SFSWAP: variants seen among roughly 807,000 people sequenced by gnomAD.
SFSWAP encodes the protein splicing factor, suppressor of white-apricot homolog.
A neutral mutation model predicts 100.7 loss-of-function variants in SFSWAP; 17 were observed. That is an observed-to-expected ratio of 0.17 (90% CI 0.12 to 0.25). The LOEUF (loss-of-function observed/expected upper bound fraction) is 0.25, where lower values mean the gene tolerates loss of function less well. Ranked by LOEUF, SFSWAP falls within the 10% of genes least tolerant of loss-of-function variation. The probability of loss-of-function intolerance (pLI) is 1.00; values close to 1 mark genes in which losing one functional copy is unlikely to be tolerated. For synonymous variants in SFSWAP, 504 were observed against 510.1 expected (o/e 0.99, Z 0.16); for missense variants, 1,005 against 1,262.6 (o/e 0.80, Z 3.09).
At chr12:131,744,581 A>G (rs1459944726) in intron 7 of SFSWAP, among the ~76,000 whole-genome samples, 1 of 152,210 alleles carries the variant, frequency 6.6e-6, no homozygotes, top group African/African-American at 2.4e-5. Context: ...ATCTCTGGGA[A>G]GTTCCAAACT....
intron 14 of SFSWAP, among the ~76,000 whole-genome samples, chr12:131,779,236 CGTGTGTGAAGAGGGCGGCGCGGGTGAGT>C (rs1566051534): frequency 4.8e-4 from 64 of 133,562 alleles, no homozygotes; most frequent in South Asian, 5.2e-4. Context: ...CGCGGGTGAG[CGTGTGTGAAGAGGGCGGCGCGGGTGAGT>C]GTGTGTGAAG....
At chr12:131,775,199 G>C (rs1454164863) in intron 13 of SFSWAP, among the ~76,000 whole-genome samples, 2 of 152,176 alleles carry the variant, frequency 1.3e-5, no homozygotes, top group Non-Finnish European at 2.9e-5. Flanking sequence ...TTCTTCACCA[G>C]AAAAAGACAG....
intron 7 of SFSWAP, among the ~76,000 whole-genome samples, chr12:131,751,843 C>A (rs1289744009): frequency 6.6e-6 from 1 of 152,200 alleles, no homozygotes; most frequent in East Asian, 1.9e-4. Flanking sequence ...CTGCTCCCGG[C>A]CTTTTCTCAG....
intron 16 of SFSWAP, among the ~76,000 whole-genome samples, chr12:131,798,098 T>A (rs920635162): frequency 9.9e-5 from 15 of 152,244 alleles, no homozygotes; most frequent in African/African-American, 3.6e-4. Context: ...CCCAGCACTT[T>A]GGGAGGCCAG....
intron 7 of SFSWAP, among the ~76,000 whole-genome samples, chr12:131,742,664 G>T (rs58697433): frequency 0.013 from 2,042 of 151,722 alleles, 45 homozygotes; most frequent in African/African-American, 0.045. Flanking sequence ...CTAGGTCGTC[G>T]GGAGGTTACA....
intron 13 of SFSWAP, among the ~76,000 whole-genome samples, chr12:131,767,630 A>G (rs537870880): frequency 2.6e-4 from 39 of 152,364 alleles, no homozygotes; most frequent in African/African-American, 8.4e-4. Context: ...GACAATAGCT[A>G]AAAAGTTGTG....
intron 7 of SFSWAP, among the ~76,000 whole-genome samples, chr12:131,737,439 G>A (rs1880141148): frequency 6.6e-6 from 1 of 152,218 alleles, no homozygotes; most frequent in Non-Finnish European, 1.5e-5. Flanking sequence ...CTCAAAACAT[G>A]CAGATTGACG....
At chr12:131,792,051 G>C (rs1370280976) in intron 15 of SFSWAP, among the ~76,000 whole-genome samples, 1 of 150,412 alleles carries the variant, frequency 6.6e-6, no homozygotes, top group African/African-American at 2.5e-5. Context: ...GATCAGTACT[G>C]TGTGTGTGCA....
At chr12:131,760,407 G>A (rs1290136407) in intron 11 of SFSWAP, among the ~76,000 whole-genome samples, 2 of 152,076 alleles carry the variant, frequency 1.3e-5, no homozygotes, top group African/African-American at 4.8e-5. Context: ...AAAATCGATG[G>A]CTAGTAAATA....
intron 7 of SFSWAP, among the ~76,000 whole-genome samples, chr12:131,736,419 A>T (rs1392556181): frequency 6.6e-6 from 1 of 152,232 alleles, no homozygotes; most frequent in Non-Finnish European, 1.5e-5. Flanking sequence ...AGGGGAAAAA[A>T]AAAGCCTGTA....
At chr12:131,744,614 T>C (rs2136212736) in intron 7 of SFSWAP, among the ~76,000 whole-genome samples, 1 of 152,340 alleles carries the variant, frequency 6.6e-6, no homozygotes. Context: ...CCTGTCTTCT[T>C]TTGAGCCCTC....
chr12:131,761,616 A>G (rs1442755861), intron 11 of SFSWAP, among the ~76,000 whole-genome samples: 3 of 152,174 alleles, frequency 2.0e-5, no homozygotes, highest in African/African-American at 7.2e-5. Context: ...TTGGGAAGGA[A>G]CTGGGTTTAT....
chr12:131,771,661 T>C (rs991526407), intron 13 of SFSWAP, among the ~76,000 whole-genome samples: 40 of 147,052 alleles, frequency 2.7e-4, no homozygotes, highest in Non-Finnish European at 5.7e-4. Flanking sequence ...TTTTTTTTTT[T>C]TTTTTTTTTT....
chr12:131,711,548 C>A lies in SFSWAP; in HGVS notation c.218+101C>A. ...AAGGACTGCAGAGAGTTTTCTGGAG[C>A]CAGCGGGGATCTGGGGGACACCCCC... On this transcript the variant is annotated intron_variant, in intron 1 of 17. Transcript: ENST00000261674. This position sits in a 1 kb window ranked among gnomAD's most constrained non-coding sequence, Gnocchi z 4.9. The A allele has an allele frequency of 1.0e-6, 1 of 998,378 alleles. No homozygotes were observed. Among genetic ancestry groups the A allele is most frequent in the Non-Finnish European group, 1.5e-6 (1 of 665,412 alleles). The allele number at this position is 998,378 out of a possible 1,614,324, so 61.8% of individuals were successfully genotyped here.
intron 7 of SFSWAP, among the ~76,000 whole-genome samples, chr12:131,743,905 G>A (rs544704982): frequency 4.6e-5 from 7 of 152,346 alleles, no homozygotes; most frequent in African/African-American, 1.7e-4. Context: ...GGCACTTGCA[G>A]GCTCAACACC....
intron 7 of SFSWAP, 127 bp downstream of exon 7, chr12:131,728,555 C>A: frequency 9.7e-7 from 1 of 1,034,946 alleles, no homozygotes; most frequent in African/African-American, 1.6e-5. Context: ...GGCCCAGAGC[C>A]TGCACATGGT....
At chr12:131,799,350 G>A in intron 17 of SFSWAP, 73 bp from the exon 18 acceptor site, 2 of 1,487,634 alleles carry the variant, frequency 1.3e-6, no homozygotes, top group Middle Eastern at 1.7e-4. Context: ...CCAACTCGTT[G>A]ATGAATTTCT....
intron 7 of SFSWAP, among the ~76,000 whole-genome samples, chr12:131,748,329 T>C (rs992827560): frequency 2.0e-5 from 3 of 152,086 alleles, no homozygotes; most frequent in Non-Finnish European, 4.4e-5. Context: ...TAATATTTTT[T>C]TGTATTTTTT....
intron 7 of SFSWAP, among the ~76,000 whole-genome samples, chr12:131,752,728 G>A (rs1219759624): frequency 6.6e-6 from 1 of 152,242 alleles, no homozygotes; most frequent in Admixed American, 6.5e-5. Flanking sequence ...TTCCTCACAT[G>A]TGCATTTAGG....
Sources: allele counts gnomAD v4.1 joint callset (sites outside exome capture counted in the v4.1 genomes callset), GRCh38; gene constraint gnomAD v4.1.1; non-coding constraint Gnocchi (gnomAD v3.1); transcripts MANE v1.5; gene names NCBI Gene and HGNC (gene_info 2026-07-23, HGNC 2026-07-21).